DLG2: variants seen among roughly 807,000 people sequenced by gnomAD.
DLG2 encodes the protein disks large homolog 2.
A neutral mutation model predicts 132.5 loss-of-function variants in DLG2; 45 were observed. The ratio of observed to expected loss-of-function variants is 0.34; its 90% confidence interval spans 0.27 to 0.44. DLG2 has a LOEUF of 0.44. Ranked by LOEUF, DLG2 falls within the 20% of genes least tolerant of loss-of-function variation. The pLI is 1.00. For synonymous variants in DLG2, 424 were observed against 419.6 expected (o/e 1.01, Z -0.13); for missense variants, 1,045 against 1,196.9 (o/e 0.87, Z 1.87).
intron 18 of DLG2, among the ~76,000 whole-genome samples, chr11:83,643,127 A>C (rs1400594643): frequency 2.0e-5 from 3 of 152,212 alleles, no homozygotes; most frequent in Non-Finnish European, 2.9e-5. Flanking sequence ...TACAGTATAA[A>C]TAGAAAGCGG....
chr11:84,119,749 G>A (rs1016417499), intron 9 of DLG2, among the ~76,000 whole-genome samples: 2 of 152,102 alleles, frequency 1.3e-5, no homozygotes, highest in African/African-American at 4.8e-5. Context: ...TTTAGAAAGA[G>A]TATACGAATC....
At chr11:83,981,268 G>C (rs1212235779) in intron 11 of DLG2, among the ~76,000 whole-genome samples, 1 of 151,970 alleles carries the variant, frequency 6.6e-6, no homozygotes, top group African/African-American at 2.4e-5. Flanking sequence ...TTGCCACCTT[G>C]TCATATTTTA....
At chr11:85,475,839 G>A (rs2093123446) in intron 3 of DLG2, among the ~76,000 whole-genome samples, 1 of 152,058 alleles carries the variant, frequency 6.6e-6, no homozygotes, top group Non-Finnish European at 1.5e-5. Flanking sequence ...TTTGAAATCA[G>A]ACTGATTTCA....
At chr11:84,155,321 C>A (rs2095407218) in intron 9 of DLG2, among the ~76,000 whole-genome samples, 1 of 152,108 alleles carries the variant, frequency 6.6e-6, no homozygotes, top group South Asian at 2.1e-4. Flanking sequence ...TTCCCAGTTT[C>A]CCCCCTCTTC....
chr11:83,884,477 G>A (rs1336437030), intron 15 of DLG2, among the ~76,000 whole-genome samples: 3 of 152,178 alleles, frequency 2.0e-5, no homozygotes, highest in East Asian at 1.9e-4. Flanking sequence ...ACAGCTCAAG[G>A]AGGCCTGCTT....
At chr11:84,335,406 A>G in intron 7 of DLG2, among the ~76,000 whole-genome samples, 1 of 152,174 alleles carries the variant, frequency 6.6e-6, no homozygotes, top group Non-Finnish European at 1.5e-5. Context: ...CGACTCTCTG[A>G]TTTTGATAGT....
chr11:84,892,819 A>T (rs919409854), intron 6 of DLG2, among the ~76,000 whole-genome samples: 3 of 151,758 alleles, frequency 2.0e-5, no homozygotes, highest in Non-Finnish European at 4.4e-5. Flanking sequence ...TCTCCCTCTT[A>T]CCCTTTTACT....
chr11:83,599,211 T>TCA (rs2058116382), intron 19 of DLG2, among the ~76,000 whole-genome samples: 1 of 152,158 alleles, frequency 6.6e-6, no homozygotes, highest in African/African-American at 2.4e-5. Context: ...AAGTCCAAAT[T>TCA]CAGCATGGAA....
At chr11:84,691,291 C>A (rs2153725162) in intron 6 of DLG2, among the ~76,000 whole-genome samples, 1 of 151,858 alleles carries the variant, frequency 6.6e-6, no homozygotes, top group Non-Finnish European at 1.5e-5. Context: ...TGATCTATAC[C>A]TAAATTATGT....
At chr11:85,085,897 CATT>C (rs2067861259) in intron 6 of DLG2, among the ~76,000 whole-genome samples, 1 of 152,018 alleles carries the variant, frequency 6.6e-6, no homozygotes, top group Non-Finnish European at 1.5e-5. Context: ...GTTTTAGCAG[CATT>C]ATTGTCAATT....
chr11:83,572,574 A>G (rs2096814867), intron 19 of DLG2, among the ~76,000 whole-genome samples: 1 of 152,204 alleles, frequency 6.6e-6, no homozygotes, highest in Non-Finnish European at 1.5e-5. Context: ...CTCAGTACAG[A>G]ATCCCAGAAA....
At chr11:83,467,170 G>T (rs7108828) in intron 25 of DLG2, among the ~76,000 whole-genome samples, 31,372 of 152,096 alleles carry the variant, frequency 0.21, 3,677 homozygotes, top group Non-Finnish European at 0.27. Flanking sequence ...GAACACAATT[G>T]TCAGAAGAAA....
intron 6 of DLG2, among the ~76,000 whole-genome samples, chr11:84,577,457 AGGT>A (rs2154528623): frequency 6.6e-6 from 1 of 152,284 alleles, no homozygotes; most frequent in South Asian, 2.1e-4. Flanking sequence ...GTCCAGGCTG[AGGT>A]GGTCCCAATG....
chr11:84,821,172 T>C (rs1210379608), intron 6 of DLG2, among the ~76,000 whole-genome samples: 2 of 151,882 alleles, frequency 1.3e-5, no homozygotes, highest in African/African-American at 4.8e-5. Flanking sequence ...TGCTAAACAA[T>C]AGTTCTCCTC....
chr11:85,503,168 A>T (rs918299397), intron 3 of DLG2, among the ~76,000 whole-genome samples: 54 of 152,150 alleles, frequency 3.5e-4, no homozygotes, highest in Non-Finnish European at 4.0e-4. Flanking sequence ...ATTAATTATT[A>T]CACTGTATAG....
At chr11:85,492,002 G>C (rs1597877365) in intron 3 of DLG2, among the ~76,000 whole-genome samples, 1 of 149,196 alleles carries the variant, frequency 6.7e-6, no homozygotes, top group South Asian at 2.1e-4. Context: ...ATACTACAAA[G>C]CTAGAATATC....
intron 20 of DLG2, among the ~76,000 whole-genome samples, chr11:83,535,238 T>C (rs12281149): frequency 0.17 from 26,577 of 152,232 alleles, 2,751 homozygotes; most frequent in East Asian, 0.25. Context: ...TTGCATTAAC[T>C]GGGCTATAGT....
At chr11:83,743,429 A>AT (rs35572754) in intron 18 of DLG2, among the ~76,000 whole-genome samples, 82,300 of 103,708 alleles carry the variant, frequency 0.79, 32,630 homozygotes, top group East Asian at 0.88. Context: ...TGGGCAGGCC[A>AT]TTTTTTTTTT....
intron 6 of DLG2, among the ~76,000 whole-genome samples, chr11:84,587,554 T>C (rs2099532653): frequency 6.6e-6 from 1 of 152,206 alleles, no homozygotes; most frequent in African/African-American, 2.4e-5. Flanking sequence ...TGAAATAATA[T>C]ATTTATTCTT....
Sources: allele counts gnomAD v4.1 joint callset (sites outside exome capture counted in the v4.1 genomes callset), GRCh38; gene constraint gnomAD v4.1.1; transcripts MANE v1.5; gene names NCBI Gene and HGNC (gene_info 2026-07-23, HGNC 2026-07-21).